Variants in GAD2 observed in about 807,000 individuals in gnomAD.
GAD2 encodes glutamate decarboxylase 2, also known as 65 kDa glutamic acid decarboxylase.
GAD2 carries 22 observed loss-of-function variants against 80.1 expected under a neutral mutation model. That is an observed-to-expected ratio of 0.27 (90% confidence interval 0.20 to 0.39). The LOEUF is 0.39. Ranked by LOEUF, GAD2 falls within the 10% of genes least tolerant of loss-of-function variation. The pLI, the probability that GAD2 is intolerant of heterozygous loss-of-function variation, is 1.00. For missense variants in GAD2, 624 were observed against 738.4 expected, an observed-to-expected ratio of 0.85 and a Z score of 1.80; for synonymous variants, 274 against 256.9, an observed-to-expected ratio of 1.07 and a Z score of -0.64.
chr10:26,262,300 A>G (rs1429077575), intron 8 of GAD2, among the ~76,000 whole-genome samples: 2 of 140,022 alleles, frequency 1.4e-5, no homozygotes, highest in African/African-American at 2.7e-5. Context: ...TCTATATATT[A>G]TTGAATCAAT....
At chr10:26,223,855 C>T (rs767860359) in intron 4 of GAD2, 32 bp from the exon 5 acceptor site, 3 of 1,402,400 alleles carry the variant, frequency 2.1e-6, no homozygotes, top group Non-Finnish European at 3.0e-6. Context: ...TCACTGGAGG[C>T]AATCCTGATT....
chr10:26,283,114 C>G (rs1589152328), intron 12 of GAD2, among the ~76,000 whole-genome samples: 1 of 152,198 alleles, frequency 6.6e-6, no homozygotes, highest in South Asian at 2.1e-4. Flanking sequence ...AGATTTGGAA[C>G]TGATTAGATG....
intron 12 of GAD2, among the ~76,000 whole-genome samples, chr10:26,282,782 C>T (rs1342308174): frequency 2.6e-5 from 4 of 152,180 alleles, no homozygotes; most frequent in Non-Finnish European, 5.9e-5. Context: ...CTCCTGTTGT[C>T]AACTTCAAAT....
chr10:26,288,255 C>T (rs1223081060), intron 13 of GAD2, among the ~76,000 whole-genome samples: 1 of 152,180 alleles, frequency 6.6e-6, no homozygotes, highest in East Asian at 1.9e-4. Context: ...CCAAGGATGG[C>T]TGGACTGTAC....
intron 9 of GAD2, among the ~76,000 whole-genome samples, chr10:26,269,407 C>A (rs888367745): frequency 6.6e-5 from 10 of 152,202 alleles, no homozygotes; most frequent in Non-Finnish European, 1.2e-4. Flanking sequence ...GTGAGCGTTT[C>A]CAAAGCATTT....
At chr10:26,248,251 G>C (rs1250012446) in intron 8 of GAD2, among the ~76,000 whole-genome samples, 2 of 152,214 alleles carry the variant, frequency 1.3e-5, no homozygotes, top group African/African-American at 2.4e-5. Flanking sequence ...AGGACTTATA[G>C]GACATAGGCG....
At chr10:26,265,404 C>T (rs748129805) in intron 8 of GAD2, among the ~76,000 whole-genome samples, 2 of 151,994 alleles carry the variant, frequency 1.3e-5, no homozygotes, top group Non-Finnish European at 2.9e-5. Flanking sequence ...GAGGTTTCAC[C>T]GTGTTGGCCA....
intron 8 of GAD2, among the ~76,000 whole-genome samples, chr10:26,268,019 C>G (rs1049585476): frequency 2.6e-5 from 4 of 152,202 alleles, no homozygotes; most frequent in Admixed American, 2.6e-4. Context: ...CCACTCACTG[C>G]TCACTATATG....
At chr10:26,292,681 G>A in intron 14 of GAD2, 109 bp downstream of exon 14, 1 of 906,456 alleles carries the variant, frequency 1.1e-6, no homozygotes, top group Non-Finnish European at 1.8e-6. Context: ...ATTACAGAGG[G>A]GAGCAGTGGA....
intron 3 of GAD2, among the ~76,000 whole-genome samples, 184 bp from the exon 4 acceptor site, chr10:26,218,859 A>C (rs1438995376): frequency 6.6e-6 from 1 of 152,240 alleles, no homozygotes; most frequent in African/African-American, 2.4e-5. Context: ...ATCATAATTT[A>C]TCTCATTCAT....
At chr10:26,267,203 T>G (rs531251915) in intron 8 of GAD2, among the ~76,000 whole-genome samples, 1 of 152,058 alleles carries the variant, frequency 6.6e-6, no homozygotes, top group Non-Finnish European at 1.5e-5. Flanking sequence ...AAATTCAAGA[T>G]TTGCAAAAAA....
chr10:26,232,514 G>T (rs564511342), intron 7 of GAD2, among the ~76,000 whole-genome samples: 1 of 127,804 alleles, frequency 7.8e-6, no homozygotes, highest in Admixed American at 9.5e-5. Flanking sequence ...TAGCCCTGTC[G>T]CCCAGGCTGG....
In GAD2 at chr10:26,220,702, T is replaced by TA. The variant is rs1396553910; in HGVS notation, c.520+1427dup. Among the ~76,000 whole-genome samples, 11 of 152,332 alleles carry TA rather than the reference T, an allele frequency of 7.2e-5. No homozygotes were observed. The East Asian group carries it at 2.1e-3, about 29-fold the overall frequency. On this transcript the variant is annotated intron_variant, in intron 4 of 15. Transcript: ENST00000376261. Reference sequence around the variant, plus strand: ...CCATTCCCCATACCTTATATTTAGATACGTTAATAGTAAATTGCCACCTAT... The same window carrying TA: ...CCATTCCCCATACCTTATATTTAGATAACGTTAATAGTAAATTGCCACCTAT...
At chr10:26,259,384 C>T (rs1233357424) in intron 8 of GAD2, among the ~76,000 whole-genome samples, 1 of 151,970 alleles carries the variant, frequency 6.6e-6, no homozygotes, top group South Asian at 2.1e-4. Flanking sequence ...GTTTTTGGTT[C>T]GTTTGCTTGT....
At chr10:26,254,049 T>G (rs1844914850) in intron 8 of GAD2, among the ~76,000 whole-genome samples, 2 of 152,194 alleles carry the variant, frequency 1.3e-5, no homozygotes, top group South Asian at 4.1e-4. Flanking sequence ...TTAATTTATT[T>G]ATTTTTGAGA....
intron 10 of GAD2, among the ~76,000 whole-genome samples, chr10:26,272,633 G>A (rs1337585609): frequency 6.6e-6 from 1 of 152,212 alleles, no homozygotes; most frequent in Non-Finnish European, 1.5e-5. Context: ...GGAGGCTGAG[G>A]CAGGTGGATT....
intron 8 of GAD2, among the ~76,000 whole-genome samples, chr10:26,266,702 T>C (rs879808147): frequency 1.3e-5 from 2 of 152,234 alleles, no homozygotes; most frequent in African/African-American, 2.4e-5. Context: ...TCCCTCCTTC[T>C]GCCCAAAGTT....
At chr10:26,241,998 T>C (rs1234928048) in intron 7 of GAD2, among the ~76,000 whole-genome samples, 1 of 152,180 alleles carries the variant, frequency 6.6e-6, no homozygotes, top group Non-Finnish European at 1.5e-5. Context: ...TGTTTGTTTT[T>C]GAGACAGAGT....
rs2229845 is a variant in GAD2, at chr10:26,217,930, C to T, written c.225C>T (p.Cys75=). ...CCGCCCGGAAGGCCGCCTGCGCCTG[C>T]GACCAGAAGCCCTGCAGCTGCTCCA... The part of the protein sequence containing the change: ...RAAARKAACA[C]DQKPCSCSKV... Residue 75 remains cysteine, a synonymous_variant, in exon 3 of 16, where the codon TGC becomes TGT. Transcript: ENST00000376261. The surrounding 1 kb of genome is among the most constrained non-coding windows in gnomAD (Gnocchi z 4.9). The T allele has an allele frequency of 1.7e-3, 2,735 of 1,611,790 alleles. 36 individuals carry two copies. In the Admixed American group the frequency reaches 0.028, roughly 17 times the overall value.
Sources: gnomAD v4.1 joint callset for allele counts (sites outside exome capture counted in the v4.1 genomes callset) on GRCh38, gnomAD v4.1.1 for gene constraint, Gnocchi (gnomAD v3.1) non-coding constraint, MANE v1.5 for transcripts, NCBI Gene and HGNC (gene_info 2026-07-23, HGNC 2026-07-21) for gene names.